The following TMC2 variants were observed in gnomAD, a reference collection of about 807,000 sequenced individuals.
The protein encoded by TMC2 is transmembrane channel-like protein 2.
In TMC2, 102 loss-of-function variants were observed where a neutral mutation model predicts 105.9. That is an observed-to-expected ratio of 0.96 (90% CI 0.82 to 1.14). TMC2 has a LOEUF of 1.14. TMC2 is among the 50% of genes most tolerant of loss of function. TMC2 has a pLI of 0.00. For synonymous variants in TMC2, 402 were observed against 422.8 expected, an observed-to-expected ratio of 0.95 and a Z score of 0.60; for missense variants, 1,093 against 1,134.3, an observed-to-expected ratio of 0.96 and a Z score of 0.52.
At chr20:2,620,002 C>T (rs887980391) in intron 16 of TMC2, among the ~76,000 whole-genome samples, 2 of 151,974 alleles carry the variant, frequency 1.3e-5, no homozygotes, top group Non-Finnish European at 2.9e-5. Flanking sequence ...TTGCTTGATC[C>T]CAGGAGGTGG....
At chr20:2,623,634 C>A (rs533169605) in intron 16 of TMC2, among the ~76,000 whole-genome samples, 1 of 152,112 alleles carries the variant, frequency 6.6e-6, no homozygotes, top group Non-Finnish European at 1.5e-5. Flanking sequence ...TTTCAAACCC[C>A]GTATTCCACC....
At chr20:2,583,404 A>G (rs1405639740) in intron 7 of TMC2, among the ~76,000 whole-genome samples, 1 of 152,054 alleles carries the variant, frequency 6.6e-6, no homozygotes, top group African/African-American at 2.4e-5. Context: ...GCCTTTGGAC[A>G]ATGGCCAGCA....
At chr20:2,566,798 A>G (rs1246523945) in intron 4 of TMC2, among the ~76,000 whole-genome samples, 1 of 152,224 alleles carries the variant, frequency 6.6e-6, no homozygotes, top group Non-Finnish European at 1.5e-5. Flanking sequence ...TCTATATCCC[A>G]GACTGGCTAT....
At position 2,616,296 on chromosome 20, in the gene TMC2, T is replaced by A; in HGVS notation, c.1940+92T>A. 1 of 1,029,680 alleles carries A rather than the reference T, an allele frequency of 9.7e-7. No homozygotes were observed. The highest frequency in any genetic ancestry group is 2.4e-5 in the East Asian group (1 of 42,162). 63.8% of individuals were successfully genotyped at this position (1,029,680 alleles called of 1,614,324 possible). On this transcript the variant is annotated intron_variant, in intron 15 of 19. Transcript: ENST00000358864. This position sits in a 1 kb window ranked among gnomAD's most constrained non-coding sequence, Gnocchi z 4.8. ...TGCAACTTAACTAGTTGGAAGAGGCTAGATAAGTCCTCTTGCCTCTCTGAA... is the reference window on the plus strand; with the variant it reads ...TGCAACTTAACTAGTTGGAAGAGGCAAGATAAGTCCTCTTGCCTCTCTGAA...
chr20:2,619,547 T>C (rs1162811141), intron 16 of TMC2, among the ~76,000 whole-genome samples: 2 of 152,160 alleles, frequency 1.3e-5, no homozygotes, highest in Non-Finnish European at 2.9e-5. Flanking sequence ...ATCCGGTCTT[T>C]CTCAGTTCAT....
At chr20:2,610,991 G>A (rs1157105359) in intron 12 of TMC2, among the ~76,000 whole-genome samples, 1 of 152,164 alleles carries the variant, frequency 6.6e-6, no homozygotes, top group African/African-American at 2.4e-5. Flanking sequence ...CACCCACAAT[G>A]GCAGGCCCTG....
intron 2 of TMC2, among the ~76,000 whole-genome samples, chr20:2,553,951 C>G (rs904459624): frequency 6.6e-6 from 1 of 152,190 alleles, no homozygotes; most frequent in Non-Finnish European, 1.5e-5. Flanking sequence ...ATGGCACCAT[C>G]TCAGCTCACT....
intron 10 of TMC2, among the ~76,000 whole-genome samples, chr20:2,601,308 T>C (rs2086350035): frequency 6.6e-6 from 1 of 152,260 alleles, no homozygotes; most frequent in South Asian, 2.1e-4. Context: ...CACAATGGCA[T>C]AGCTGAGTGG....
intron 19 of TMC2, among the ~76,000 whole-genome samples, chr20:2,638,895 G>GA (rs73613609): frequency 1.9e-4 from 28 of 151,208 alleles, no homozygotes; most frequent in African/African-American, 6.6e-4. Flanking sequence ...ATTGAAGAAA[G>GA]AAAAAAAAAA....
At position 2,637,591 on chromosome 20, in the gene TMC2, G is replaced by A. The variant is rs1205333526; in HGVS notation, c.2503G>A (p.Glu835Lys). The A allele has an allele frequency of 3.7e-6, 6 of 1,602,772 alleles. No individual in the cohort carries two copies. The Admixed American group carries it at 1.0e-4, about 27-fold the overall frequency. ...NATQLQLTKE[E>K]TTPPSASQSQ... The stretch of plus-strand genomic sequence containing the variant: ...CACCCAGCTCCAACTCACCAAGGAA[G>A]GTAAGCTCTTTGTCATAATGATTAT... Residue 835 changes from glutamate to lysine, a missense_variant and splice_region_variant, in exon 19 of 20, where the codon GAG (glutamate) becomes AAG (lysine). By Grantham distance (56) the Glu-to-Lys change is moderately conservative. Transcript: ENST00000358864.
intron 17 of TMC2, among the ~76,000 whole-genome samples, chr20:2,626,631 T>C (rs2146260397): frequency 6.6e-6 from 1 of 152,282 alleles, no homozygotes; most frequent in African/African-American, 2.4e-5. Context: ...CTTTGGAAAA[T>C]AGTTTGCTAT....
intron 17 of TMC2, among the ~76,000 whole-genome samples, chr20:2,633,392 T>A (rs576387598): frequency 6.6e-6 from 1 of 152,216 alleles, no homozygotes; most frequent in Non-Finnish European, 1.5e-5. Flanking sequence ...TTCCCAGGAA[T>A]ATTTCAAAGT....
chr20:2,640,005 T>G lies in TMC2; in HGVS notation c.2504-1129T>G, dbSNP rs574483238. ...GAATTTGAACTTTATTTTTTTGAGA[T>G]GGAGTCACACTCTGTCGCCCAGGCT... On this transcript the variant is annotated intron_variant, in intron 19 of 19. Coordinates refer to ENST00000358864, the MANE Select transcript of TMC2 (RefSeq NM_080751.3). Among the ~76,000 whole-genome samples the G allele has an allele frequency of 4.6e-5, 7 of 152,248 alleles. No individual in the cohort carries two copies. In the East Asian group the frequency reaches 7.7e-4, roughly 17 times the overall value.
In TMC2 at chr20:2,592,844, A is replaced by G. The variant is rs2086279035; in HGVS notation, c.933+436A>G. On this transcript the variant is annotated intron_variant, in intron 8 of 19. Transcript: ENST00000358864. This position sits in a 1 kb window ranked among gnomAD's most constrained non-coding sequence, Gnocchi z 4.9. ...CACATCTCTTTTTCCCAGCTCCTTT[A>G]TTGGAATCACCATTCATCCAATCAT... Among the ~76,000 whole-genome samples the G allele has an allele frequency of 6.6e-6, 1 of 152,110 alleles. No individual in the cohort carries two copies. The highest frequency in any genetic ancestry group is 2.1e-4 in the South Asian group (1 of 4,828).
intron 2 of TMC2, among the ~76,000 whole-genome samples, chr20:2,538,872 C>CTGCG (rs1182642259): frequency 1.3e-5 from 2 of 152,164 alleles, no homozygotes; most frequent in Non-Finnish European, 1.5e-5. Flanking sequence ...CTGGAGTCAC[C>CTGCG]TGCGACGGGA....
chr20:2,637,896 T>C (rs1016241471), intron 19 of TMC2, among the ~76,000 whole-genome samples: 1 of 152,168 alleles, frequency 6.6e-6, no homozygotes, highest in Non-Finnish European at 1.5e-5. Flanking sequence ...GGATCAACCA[T>C]GGATGGCATC....
intron 4 of TMC2, among the ~76,000 whole-genome samples, chr20:2,567,287 A>G (rs1405051422): frequency 6.6e-6 from 1 of 152,204 alleles, no homozygotes; most frequent in Admixed American, 6.5e-5. Context: ...AAGGAGGCCA[A>G]ATGAAGAACC....
At chr20:2,598,710 T>C (rs2086327704) in intron 10 of TMC2, among the ~76,000 whole-genome samples, 1 of 152,040 alleles carries the variant, frequency 6.6e-6, no homozygotes, top group South Asian at 2.1e-4. Flanking sequence ...GCCCAGCCCA[T>C]GTCTCTACTT....
intron 10 of TMC2, among the ~76,000 whole-genome samples, chr20:2,599,089 G>T (rs558996414): frequency 6.6e-6 from 1 of 151,992 alleles, no homozygotes; most frequent in East Asian, 1.9e-4. Flanking sequence ...TAGAGATGGG[G>T]TTTCACCATT....
Sources: allele counts gnomAD v4.1 joint callset (sites outside exome capture counted in the v4.1 genomes callset), GRCh38; gene constraint gnomAD v4.1.1; non-coding constraint Gnocchi (gnomAD v3.1); transcripts MANE v1.5; gene names NCBI Gene and HGNC (gene_info 2026-07-23, HGNC 2026-07-21).